Variants in DENND4C observed in about 807,000 individuals in gnomAD.
DENND4C encodes DENN domain containing 4C.
In DENND4C, 108 loss-of-function variants were observed where a neutral mutation model predicts 203.0. That is an observed-to-expected ratio of 0.53 (90% CI 0.46 to 0.62). DENND4C has a LOEUF of 0.62. DENND4C is among the 20% of genes least tolerant of loss of function. The probability of loss-of-function intolerance (pLI) is 0.00; values close to 1 mark genes in which losing one functional copy is unlikely to be tolerated. For synonymous variants in DENND4C, 871 were observed against 792.4 expected (o/e 1.10, Z -1.67); for missense variants, 2,481 against 2,301.2 (o/e 1.08, Z -1.60).
intron 10 of DENND4C, among the ~76,000 whole-genome samples, chr9:19,308,826 T>G (rs552810751): frequency 6.6e-6 from 1 of 152,340 alleles, no homozygotes; most frequent in Non-Finnish European, 1.5e-5. Flanking sequence ...TGATGTGACA[T>G]ATCAGTTTCT....
chr9:19,271,340 C>T (rs1831621377), intron 1 of DENND4C, among the ~76,000 whole-genome samples: 1 of 151,588 alleles, frequency 6.6e-6, no homozygotes, highest in Non-Finnish European at 1.5e-5. Context: ...GCTGGGATTA[C>T]AGATGTATTC....
At chr9:19,333,959 T>TG (rs1819849206) in intron 17 of DENND4C, among the ~76,000 whole-genome samples, 2 of 152,244 alleles carry the variant, frequency 1.3e-5, no homozygotes, top group South Asian at 4.1e-4. Flanking sequence ...TTGGAGATAC[T>TG]GTCTTTAATT....
intron 9 of DENND4C, among the ~76,000 whole-genome samples, chr9:19,300,867 G>T (rs1838418036): frequency 6.6e-6 from 1 of 152,132 alleles, no homozygotes; most frequent in South Asian, 2.1e-4. Flanking sequence ...AAACCCTTTG[G>T]CTTCCCATTG....
At position 19,346,236 on chromosome 9, in the gene DENND4C, T is replaced by C. The variant is rs765507552; in HGVS notation, c.3467T>C (p.Leu1156Pro). The C allele has an allele frequency of 6.2e-7, 1 of 1,614,214 alleles. No homozygotes were observed. Among genetic ancestry groups the C allele is most frequent in the South Asian group, 1.1e-5 (1 of 91,084 alleles). Reference sequence around the variant, plus strand: ...AGCTTTGAGAATGTTAGCTGTCACCTACCTGATAGTAGGACTTGTATGTCT... The same window carrying C: ...AGCTTTGAGAATGTTAGCTGTCACCCACCTGATAGTAGGACTTGTATGTCT... ...THSFENVSCHLPDSRTCMSES... is the reference protein window; with the variant it reads ...THSFENVSCHPPDSRTCMSES... The change falls in exon 23 of 33, where the codon CTA becomes CCA. Residue 1156 changes from leucine to proline, a missense_variant. Leu to Pro is a moderately conservative substitution (Grantham distance 98). This residue lies in a region of DENND4C where 2,289 missense variants were observed against 2,113.3 expected (regional missense o/e 1.08). Transcript: ENST00000434457.
At chr9:19,341,677 A>G (rs1009701094) in intron 21 of DENND4C, among the ~76,000 whole-genome samples, 1 of 152,090 alleles carries the variant, frequency 6.6e-6, no homozygotes, top group African/African-American at 2.4e-5. Flanking sequence ...CCATTGAGGT[A>G]TTTGCCAAAA....
At chr9:19,308,699 C>T (rs148522279) in intron 10 of DENND4C, among the ~76,000 whole-genome samples, 3 of 152,026 alleles carry the variant, frequency 2.0e-5, no homozygotes, top group Admixed American at 1.3e-4. Flanking sequence ...TTATGGAGTA[C>T]TGTTTTTGGT....
At chr9:19,328,407 G>A (rs998618720) in intron 16 of DENND4C, among the ~76,000 whole-genome samples, 4 of 152,180 alleles carry the variant, frequency 2.6e-5, no homozygotes, top group African/African-American at 9.7e-5. Context: ...GAGGTCAGGA[G>A]TTAGAGACCA....
intron 24 of DENND4C, among the ~76,000 whole-genome samples, chr9:19,351,102 G>C (rs908432483): frequency 6.6e-6 from 1 of 151,900 alleles, no homozygotes; most frequent in East Asian, 1.9e-4. Context: ...GTAACTCCCC[G>C]CTCAATAAGC....
At position 19,269,251 on chromosome 9, in the gene DENND4C, T is replaced by C. The variant is rs994722908; in HGVS notation, c.-17-6907T>C. Among the ~76,000 whole-genome samples the C allele has an allele frequency of 1.4e-4, 22 of 152,194 alleles. 2 individuals are homozygous for C. The highest frequency in any genetic ancestry group is 4.6e-4 in the Admixed American group (7 of 15,268). ...GATCTTAGCTCACTGCAACCTCTGC[T>C]TCCGGGTTCAAGCAATTCCCCTGCC... On this transcript the variant is annotated intron_variant, in intron 1 of 32. Transcript: ENST00000434457.
intron 22 of DENND4C, among the ~76,000 whole-genome samples, chr9:19,345,659 T>A (rs1024570670): frequency 6.6e-6 from 1 of 152,218 alleles, no homozygotes; most frequent in African/African-American, 2.4e-5. Context: ...ATCTATCATA[T>A]GTTGCATGAT....
chr9:19,327,300 A>T (rs1588926731), intron 15 of DENND4C, among the ~76,000 whole-genome samples: 1 of 152,112 alleles, frequency 6.6e-6, no homozygotes, highest in African/African-American at 2.4e-5. Flanking sequence ...AAAATATGTT[A>T]TGGTTTTTTG....
chr9:19,240,059 G>T (rs1414678070), intron 1 of DENND4C, among the ~76,000 whole-genome samples: 2 of 152,090 alleles, frequency 1.3e-5, no homozygotes, highest in African/African-American at 4.8e-5. Context: ...CTCCTTTCAG[G>T]TATGTCAGTT....
chr9:19,357,801 T>C, intron 27 of DENND4C, 164 bp from the exon 28 acceptor site: 1 of 574,718 alleles, frequency 1.7e-6, no homozygotes, highest in Admixed American at 3.2e-5. Flanking sequence ...TTCTGACCAG[T>C]TTTACAAAAA....
At chr9:19,334,460 T>G (rs1354200914) in intron 17 of DENND4C, among the ~76,000 whole-genome samples, 2 of 152,058 alleles carry the variant, frequency 1.3e-5, no homozygotes, top group Non-Finnish European at 2.9e-5. Flanking sequence ...CACATATGTC[T>G]TATATGAAAT....
At chr9:19,294,769 A>C (rs750476014) in intron 5 of DENND4C, among the ~76,000 whole-genome samples, 1 of 152,218 alleles carries the variant, frequency 6.6e-6, no homozygotes, top group Non-Finnish European at 1.5e-5. Context: ...CATTATTCTA[A>C]GTGAAATAAG....
At chr9:19,354,359 A>C (rs568105158) in intron 26 of DENND4C, among the ~76,000 whole-genome samples, 1 of 152,190 alleles carries the variant, frequency 6.6e-6, no homozygotes, top group Non-Finnish European at 1.5e-5. Context: ...GATCATTTTC[A>C]TACATGATTT....
At chr9:19,330,590 G>T (rs554097474) in intron 16 of DENND4C, among the ~76,000 whole-genome samples, 4 of 151,646 alleles carry the variant, frequency 2.6e-5, no homozygotes, top group African/African-American at 9.7e-5. Flanking sequence ...CACCTGCCTC[G>T]GCCTCCCAAA....
intron 30 of DENND4C, among the ~76,000 whole-genome samples, chr9:19,363,508 A>C (rs1206155782): frequency 6.6e-6 from 1 of 151,564 alleles, no homozygotes; most frequent in Non-Finnish European, 1.5e-5. Flanking sequence ...TCTCAAAAAA[A>C]AAATTAAAAA....
Position 19,361,861 on chromosome 9 carries a change from C to G in DENND4C, c.5422C>G (p.Leu1808Val). 27 of 1,604,336 alleles carry G rather than the reference C, an allele frequency of 1.7e-5. No individual in the cohort carries two copies. Among genetic ancestry groups the G allele is most frequent in the Non-Finnish European group, 2.2e-5 (26 of 1,171,400 alleles). Residue 1808 changes from leucine to valine, a missense_variant, in exon 30 of 33, where the codon CTG becomes GTG. Leu to Val is a conservative substitution (Grantham distance 32). Coordinates refer to ENST00000434457, the MANE Select transcript of DENND4C (RefSeq NM_001330640.2). Reference protein sequence around the residue: ...NEGVQLPLSSLSQDSKLVYIQ... With the variant: ...NEGVQLPLSSVSQDSKLVYIQ... ...TTTCTTTTAGCTTCCTCTGTCATCTCTGTCCCAGGATAGCAAACTTGTGTA... is the reference window on the plus strand; with the variant it reads ...TTTCTTTTAGCTTCCTCTGTCATCTGTGTCCCAGGATAGCAAACTTGTGTA...
Sources: gnomAD v4.1 joint callset for allele counts (sites outside exome capture counted in the v4.1 genomes callset) on GRCh38, gnomAD v4.1.1 for gene constraint, gnomAD v4.1.1 regional missense constraint, MANE v1.5 for transcripts, NCBI Gene and HGNC (gene_info 2026-07-23, HGNC 2026-07-21) for gene names.